Variants in PCDHGA1 observed in about 807,000 individuals in gnomAD.
PCDHGA1 encodes protocadherin gamma-A1.
In PCDHGA1, 32 loss-of-function variants were observed where a neutral mutation model predicts 58.0. The observed-to-expected ratio is 0.55, with a 90% CI of 0.42 to 0.74. The LOEUF is 0.74. PCDHGA1 is among the 30% of genes least tolerant of loss of function. The probability of loss-of-function intolerance (pLI) is 0.00; values close to 1 mark genes in which losing one functional copy is unlikely to be tolerated. For synonymous variants in PCDHGA1, 498 were observed against 501.1 expected (o/e 0.99, Z 0.08); for missense variants, 1,205 against 1,182.3 (o/e 1.02, Z -0.28).
chr5:141,353,392 A>G (rs1318635652), intron 1 of PCDHGA1, among the ~76,000 whole-genome samples: 1 of 152,222 alleles, frequency 6.6e-6, no homozygotes. Context: ...GTAATTATGT[A>G]ATTAATGTAA....
At chr5:141,346,202 C>T (rs753036053) in intron 1 of PCDHGA1, 74 of 1,614,004 alleles carry the variant, frequency 4.6e-5, no homozygotes, top group Middle Eastern at 3.3e-4. Flanking sequence ...ACAAGTCACG[C>T]CTGCTGCAGG....
At position 141,331,814 on chromosome 5, in the gene PCDHGA1, G is replaced by A. The variant is rs772353063; in HGVS notation, c.1130G>A (p.Gly377Glu). ...ATCAGTGTGCATGACCAGGACTCAG[G>A]AGACAATGGCTACACCACATGTTTC... is the stretch of plus-strand genomic sequence containing the variant. ...ALISVHDQDSGDNGYTTCFIP... is the reference protein window; with the variant it reads ...ALISVHDQDSEDNGYTTCFIP... Residue 377 changes from glycine to glutamate, a missense_variant, in exon 1 of 4, where the codon GGA becomes GAA. By Grantham distance (98) the Gly-to-Glu change is moderately conservative. Transcript: ENST00000517417. The A allele has an allele frequency of 6.2e-7, 1 of 1,614,122 alleles. No homozygotes were observed. Among genetic ancestry groups the A allele is most frequent in the South Asian group, 1.1e-5 (1 of 91,076 alleles).
intron 1 of PCDHGA1, chr5:141,346,047 C>A (rs1246037325): frequency 6.2e-7 from 1 of 1,613,516 alleles, no homozygotes; most frequent in African/African-American, 1.3e-5. Context: ...CCCCGACATC[C>A]TGGCCGACCT....
At chr5:141,362,612 G>A in intron 1 of PCDHGA1, 3 of 1,553,624 alleles carry the variant, frequency 1.9e-6, no homozygotes, top group Non-Finnish European at 2.6e-6. Flanking sequence ...CCTAATTTGG[G>A]TAGGAAGTTC....
intron 1 of PCDHGA1, chr5:141,379,577 A>G (rs949228726): frequency 6.6e-6 from 1 of 152,178 alleles, no homozygotes; most frequent in African/African-American, 2.4e-5. Flanking sequence ...AGGCTGGTTT[A>G]TTTTATTCTC....
rs1488506612 is a variant in PCDHGA1 at position 141,395,336 on chromosome 5, T to G, written c.2421+62231T>G. ...TTGTGAAGATAGTTGAAAATAATTTTTAAGGTGTATCACAGAGTTTTGGGT... is the reference window on the plus strand; with the variant it reads ...TTGTGAAGATAGTTGAAAATAATTTGTAAGGTGTATCACAGAGTTTTGGGT... On this transcript the variant is annotated intron_variant, in intron 1 of 3. Coordinates refer to ENST00000517417, the MANE Select transcript of PCDHGA1 (RefSeq NM_018912.3). 5 of 1,435,024 alleles carry G rather than the reference T, an allele frequency of 3.5e-6. No homozygotes were observed. In the African/African-American group the frequency reaches 4.3e-5, roughly 12 times the overall value. The allele number at this position is 1,435,024 out of a possible 1,614,324, so 88.9% of individuals were successfully genotyped here. A position where few individuals can be genotyped will look rare whatever the true frequency, so the allele number is the denominator to read the frequency against.
At chr5:141,495,446 C>A (rs1165861519) in intron 2 of PCDHGA1, among the ~76,000 whole-genome samples, 1 of 152,220 alleles carries the variant, frequency 6.6e-6, no homozygotes, top group African/African-American at 2.4e-5. Flanking sequence ...CCCTACTTGT[C>A]CTGCTCTCTG....
chr5:141,491,291 C>T lies in PCDHGA1; in HGVS notation c.2422-3516C>T. 1 of 1,614,152 alleles carries T rather than the reference C, an allele frequency of 6.2e-7. No homozygotes were observed. The highest frequency in any genetic ancestry group is 8.5e-7 in the Non-Finnish European group (1 of 1,179,974). On this transcript the variant is annotated intron_variant, in intron 1 of 3. Coordinates refer to ENST00000517417, the MANE Select transcript of PCDHGA1 (RefSeq NM_018912.3). This position sits in a 1 kb window ranked among gnomAD's most constrained non-coding sequence, Gnocchi z 6.9. The stretch of plus-strand genomic sequence containing the variant: ...AAATCCAGTGACTTCCTCATACACC[C>T]TCCTGAGCGTTCAGACCTTACCCTT...
In PCDHGA1 at chr5:141,457,491, A is replaced by G. The variant is rs1462989353; in HGVS notation, c.2422-37316A>G. Among the ~76,000 whole-genome samples, 9 of 152,368 alleles carry G rather than the reference A, an allele frequency of 5.9e-5. No individual in the cohort carries two copies. The East Asian group carries it at 1.5e-3, about 26-fold the overall frequency. On this transcript the variant is annotated intron_variant, in intron 1 of 3. Transcript: ENST00000517417. ...ATAAGCAGGGCCAGGGTTAGTCTAA[A>G]ATGTAGGCAAAAAGCTTAAAAACAA...
Position 141,362,044 on chromosome 5 carries a change from G to C in PCDHGA1, c.2421+28939G>C, listed in dbSNP as rs571731822. On this transcript the variant is annotated intron_variant, in intron 1 of 3. Coordinates refer to ENST00000517417, the MANE Select transcript of PCDHGA1 (RefSeq NM_018912.3). ...AGCGCGTGCCTTGGGCGACAGGGAC[G>C]CGGCCCGCCAGCGCCTGCTGGTCGC... 46 of 1,610,576 alleles carry C rather than the reference G, an allele frequency of 2.9e-5. No homozygotes were observed. The East Asian group carries it at 9.8e-4, about 34-fold the overall frequency.
chr5:141,428,430 GA>G, intron 1 of PCDHGA1: 1 of 421,748 alleles, frequency 2.4e-6, no homozygotes. Flanking sequence ...TCTGTTCTAA[GA>G]CTAGACCAGG....
intron 1 of PCDHGA1, chr5:141,370,814 G>A (rs1177067134): frequency 9.9e-6 from 16 of 1,613,906 alleles, no homozygotes; most frequent in Non-Finnish European, 1.4e-5. Flanking sequence ...TCACTGAGCT[G>A]GAAATCAGCG....
At chr5:141,386,173 C>T (rs72790028) in intron 1 of PCDHGA1, among the ~76,000 whole-genome samples, 9,793 of 152,202 alleles carry the variant, frequency 0.064, 369 homozygotes, top group African/African-American at 0.1. Flanking sequence ...AACCTTAGAC[C>T]ATCTTATGTA....
chr5:141,400,235 T>G, intron 1 of PCDHGA1: 4 of 1,614,006 alleles, frequency 2.5e-6, no homozygotes, highest in Non-Finnish European at 3.4e-6. Context: ...CTCCTGGCCG[T>G]GATTCTGGCC....
rs10040701 is a variant in PCDHGA1 at position 141,508,490 on chromosome 5, A to G, written c.2570-2457A>G. ...TCTTTCTTTTACATTCTGGATTTCC[A>G]TATCTTCTCTCCCTCCTGGTCCAGC... On this transcript the variant is annotated intron_variant, in intron 3 of 3. Transcript: ENST00000517417. Among the ~76,000 whole-genome samples, 377 of 152,202 alleles carry G rather than the reference A, an allele frequency of 2.5e-3. 1 individual carries two copies. The highest frequency in any genetic ancestry group is 8.6e-3 in the African/African-American group (358 of 41,530).
At chr5:141,412,441 G>C (rs1334085357) in intron 1 of PCDHGA1, 1 of 152,124 alleles carries the variant, frequency 6.6e-6, no homozygotes, top group African/African-American at 2.4e-5. Flanking sequence ...GTTAATTAAG[G>C]CTCAGTAAAA....
intron 1 of PCDHGA1, chr5:141,399,769 G>A (rs369379702): frequency 2.6e-5 from 42 of 1,613,216 alleles, no homozygotes; most frequent in Non-Finnish European, 3.5e-5. Flanking sequence ...GCGCGTGTTG[G>A]TGGGCGACCG....
intron 1 of PCDHGA1, chr5:141,343,095 G>T (rs1288740595): frequency 5.9e-6 from 1 of 169,414 alleles, no homozygotes; most frequent in East Asian, 1.9e-4. Context: ...AATTATCTCA[G>T]TACACTGCAA....
chr5:141,356,073 A>G, intron 1 of PCDHGA1: 1 of 1,613,872 alleles, frequency 6.2e-7, no homozygotes, highest in Non-Finnish European at 8.5e-7. Context: ...TATCACAGCT[A>G]TTTCAGTTGA....
Sources: allele counts gnomAD v4.1 joint callset (sites outside exome capture counted in the v4.1 genomes callset), GRCh38; gene constraint gnomAD v4.1.1; non-coding constraint Gnocchi (gnomAD v3.1); transcripts MANE v1.5; gene names NCBI Gene and HGNC (gene_info 2026-07-23, HGNC 2026-07-21).